Variants in PTPRO observed in about 807,000 individuals in gnomAD.
PTPRO encodes the protein receptor-type tyrosine-protein phosphatase O.
In PTPRO, 62 loss-of-function variants were observed where a neutral mutation model predicts 145.2. The ratio of observed to expected loss-of-function variants is 0.43; its 90% CI spans 0.35 to 0.53. The LOEUF is 0.53. Ranked by LOEUF, PTPRO falls within the 20% of genes least tolerant of loss-of-function variation. The pLI is 0.01. For synonymous variants in PTPRO, 565 were observed against 514.7 expected (o/e 1.10, Z -1.32); for missense variants, 1,345 against 1,482.7 (o/e 0.91, Z 1.53).
chr12:15,438,427 A>G (rs976984260), intron 1 of PTPRO, among the ~76,000 whole-genome samples: 2 of 152,140 alleles, frequency 1.3e-5, no homozygotes, highest in African/African-American at 4.8e-5. Flanking sequence ...GCTCATTCAG[A>G]TCCAAGACAA....
At chr12:15,542,674 T>C (rs1340299809) in intron 12 of PTPRO, among the ~76,000 whole-genome samples, 1 of 152,236 alleles carries the variant, frequency 6.6e-6, no homozygotes, top group East Asian at 1.9e-4. Flanking sequence ...ACAGGTAAAA[T>C]TGAATTCGAT....
intron 15 of PTPRO, among the ~76,000 whole-genome samples, chr12:15,556,506 T>C (rs964959679): frequency 2.0e-5 from 3 of 150,762 alleles, no homozygotes; most frequent in African/African-American, 7.3e-5. Flanking sequence ...TCTCTACTTC[T>C]GGAAAAAAAA....
At chr12:15,494,617 A>C (rs1266440748) in intron 2 of PTPRO, among the ~76,000 whole-genome samples, 2 of 152,210 alleles carry the variant, frequency 1.3e-5, no homozygotes, top group Non-Finnish European at 2.9e-5. Context: ...TGAGGGAAAC[A>C]TAAAAAAAAC....
chr12:15,486,625 A>G (rs1356576379), intron 2 of PTPRO, among the ~76,000 whole-genome samples: 1 of 152,132 alleles, frequency 6.6e-6, no homozygotes, highest in Non-Finnish European at 1.5e-5. Flanking sequence ...TAATTTTAAT[A>G]TCATGGTTTA....
At position 15,356,925 on chromosome 12, in the gene PTPRO, C is replaced by T. The variant is rs191325820; in HGVS notation, c.75+34124C>T. On this transcript the variant is annotated intron_variant, in intron 1 of 26. Transcript: ENST00000281171. ...TTGGCTAGGGAGGCTTAAGGGGTCACGGTCAATGCTGTAGATAATTGCTGT... is the reference window on the plus strand; with the variant it reads ...TTGGCTAGGGAGGCTTAAGGGGTCATGGTCAATGCTGTAGATAATTGCTGT... Among the ~76,000 whole-genome samples, 64 of 152,190 alleles carry T rather than the reference C, an allele frequency of 4.2e-4. No homozygotes were observed. The South Asian group carries it at 7.3e-3, about 17-fold the overall frequency.
Position 15,560,282 on chromosome 12 carries a change from T to A in PTPRO, c.2711+6T>A, listed in dbSNP as rs1458063769. The A allele has an allele frequency of 6.5e-7, 1 of 1,548,556 alleles. No individual in the cohort carries two copies. Among genetic ancestry groups the A allele is most frequent in the Admixed American group, 1.7e-5 (1 of 59,854 alleles). ...GCATTTTATATTAATCCTTGGTAAGTGATTTTTTTTTACTGTTTAACACAA... is the reference window on the plus strand; with the variant it reads ...GCATTTTATATTAATCCTTGGTAAGAGATTTTTTTTTACTGTTTAACACAA... On this transcript the variant is annotated splice_donor_region_variant and intron_variant, in intron 17 of 26. Coordinates refer to ENST00000281171, the MANE Select transcript of PTPRO (RefSeq NM_030667.3).
At chr12:15,395,770 A>T (rs1427495611) in intron 1 of PTPRO, among the ~76,000 whole-genome samples, 2 of 151,514 alleles carry the variant, frequency 1.3e-5, no homozygotes, top group Non-Finnish European at 1.5e-5. Flanking sequence ...ATTTCAGTTT[A>T]TTGTTCCTTA....
At chr12:15,421,340 G>A (rs544611045) in intron 1 of PTPRO, among the ~76,000 whole-genome samples, 5 of 152,228 alleles carry the variant, frequency 3.3e-5, no homozygotes, top group African/African-American at 7.2e-5. Flanking sequence ...GCTAGAACAC[G>A]GTAGTAGTGC....
intron 12 of PTPRO, among the ~76,000 whole-genome samples, chr12:15,535,555 G>A (rs955727404): frequency 1.3e-5 from 2 of 152,206 alleles, no homozygotes; most frequent in Non-Finnish European, 2.9e-5. Flanking sequence ...GAGAGCTTTT[G>A]GAGATAATTC....
At chr12:15,369,220 C>A (rs1007175401) in intron 1 of PTPRO, among the ~76,000 whole-genome samples, 1 of 152,056 alleles carries the variant, frequency 6.6e-6, no homozygotes, top group African/African-American at 2.4e-5. Context: ...CAAGAAGGAA[C>A]GATTTCTTTG....
intron 23 of PTPRO, among the ~76,000 whole-genome samples, chr12:15,582,045 T>C (rs1301531088): frequency 6.6e-6 from 1 of 152,238 alleles, no homozygotes; most frequent in Non-Finnish European, 1.5e-5. Flanking sequence ...GATTATAGAT[T>C]AACTAAAAGT....
chr12:15,467,483 C>A (rs1428227600), intron 1 of PTPRO, among the ~76,000 whole-genome samples: 2 of 151,744 alleles, frequency 1.3e-5, no homozygotes, highest in Non-Finnish European at 2.9e-5. Flanking sequence ...CTAATCCATT[C>A]TTAAGTCACT....
intron 1 of PTPRO, among the ~76,000 whole-genome samples, chr12:15,440,782 A>T (rs1940742297): frequency 1.3e-5 from 2 of 152,132 alleles, no homozygotes; most frequent in Non-Finnish European, 2.9e-5. Flanking sequence ...AAAGACAAAG[A>T]AGGCCATTAC....
chr12:15,423,134 A>G (rs1378470926), intron 1 of PTPRO, among the ~76,000 whole-genome samples: 1 of 152,174 alleles, frequency 6.6e-6, no homozygotes, highest in Admixed American at 6.5e-5. Context: ...CAACTGGTGG[A>G]AAGTCCCCCA....
intron 1 of PTPRO, among the ~76,000 whole-genome samples, chr12:15,416,728 T>C (rs1371506473): frequency 6.6e-6 from 1 of 151,110 alleles, no homozygotes; most frequent in Non-Finnish European, 1.5e-5. Context: ...CTTCTTTTTT[T>C]TTTTTTTTCC....
At chr12:15,545,387 C>A (rs1943262141) in intron 12 of PTPRO, among the ~76,000 whole-genome samples, 1 of 151,378 alleles carries the variant, frequency 6.6e-6, no homozygotes, top group African/African-American at 2.4e-5. Context: ...GAGCAGGTAA[C>A]AGGGACCCCA....
rs566898556 is a variant in PTPRO, at chr12:15,322,873, C to G, written c.75+72C>G. The G allele has an allele frequency of 4.7e-6, 7 of 1,497,942 alleles. No individual in the cohort carries two copies. Among genetic ancestry groups the G allele is most frequent in the East Asian group, 2.4e-5 (1 of 41,056 alleles). 92.8% of individuals were successfully genotyped at this position (1,497,942 alleles called of 1,614,324 possible). On this transcript the variant is annotated intron_variant, in intron 1 of 26. Transcript: ENST00000281171. The surrounding 1 kb of genome is among the most constrained non-coding windows in gnomAD (Gnocchi z 6.3). ...CCGCGCTCCGGCGCCCTCGCTCTGC[C>G]GTTGGGAGCGGCGCGCCCCAGGGCA...
chr12:15,405,632 T>A (rs1017240047), intron 1 of PTPRO, among the ~76,000 whole-genome samples: 3 of 152,190 alleles, frequency 2.0e-5, no homozygotes, highest in African/African-American at 7.2e-5. Context: ...GCACAAAAAA[T>A]TTTAAGTCAT....
At chr12:15,380,064 G>T (rs1351311325) in intron 1 of PTPRO, among the ~76,000 whole-genome samples, 2 of 152,090 alleles carry the variant, frequency 1.3e-5, no homozygotes, top group Non-Finnish European at 2.9e-5. Flanking sequence ...AACATGTAAT[G>T]TATTGAGTAT....
Sources: gnomAD v4.1 joint callset for allele counts (sites outside exome capture counted in the v4.1 genomes callset) on GRCh38, gnomAD v4.1.1 for gene constraint, Gnocchi (gnomAD v3.1) non-coding constraint, MANE v1.5 for transcripts, NCBI Gene and HGNC (gene_info 2026-07-23, HGNC 2026-07-21) for gene names.